Variants in PLCL1 observed in about 807,000 individuals in gnomAD.
The protein encoded by PLCL1 is phospholipase C like 1 (inactive).
PLCL1 carries 41 observed loss-of-function variants against 84.4 expected under a neutral mutation model. That is an observed-to-expected ratio of 0.49 (90% CI 0.38 to 0.63). The LOEUF is 0.63. Among genes scored for constraint, PLCL1 ranks in the 30% least tolerant of loss-of-function variants. The pLI is 0.00. For synonymous variants in PLCL1, 490 were observed against 488.3 expected (o/e 1.00, Z -0.05); for missense variants, 1,206 against 1,367.8 (o/e 0.88, Z 1.87).
intron 1 of PLCL1, among the ~76,000 whole-genome samples, chr2:197,995,474 C>T (rs1690438563): frequency 6.6e-6 from 1 of 152,118 alleles, no homozygotes; most frequent in African/African-American, 2.4e-5. Flanking sequence ...ATATACATGT[C>T]AGACAGGAGA....
rs527879067 is a variant in PLCL1, at chr2:197,805,689, T to G, written c.240+350T>G. On this transcript the variant is annotated intron_variant, in intron 1 of 5. Coordinates refer to ENST00000428675, the MANE Select transcript of PLCL1 (RefSeq NM_006226.4). This position sits in a 1 kb window ranked among gnomAD's most constrained non-coding sequence, Gnocchi z 4.0. ...GCAGACCCACCGGATGGTTGTGCAT[T>G]GCTTTCCAATGAAGGGTTAGCTTTT... is the stretch of plus-strand genomic sequence containing the variant. 2.0e-5 allele frequency among the ~76,000 whole-genome samples: 3 copies of G among 152,276 alleles called. No homozygotes were observed. In the South Asian group the frequency reaches 6.2e-4, roughly 32 times the overall value.
chr2:198,047,728 T>C (rs1397201638), intron 1 of PLCL1, among the ~76,000 whole-genome samples: 1 of 152,238 alleles, frequency 6.6e-6, no homozygotes, highest in Admixed American at 6.5e-5. Context: ...TGTGAACTTA[T>C]ATGTGAACAT....
intron 1 of PLCL1, among the ~76,000 whole-genome samples, chr2:197,930,058 T>G (rs1417063324): frequency 6.6e-6 from 1 of 152,126 alleles, no homozygotes; most frequent in African/African-American, 2.4e-5. Context: ...TCTGTGCAAA[T>G]GCCTACTAAT....
chr2:198,022,297 C>T (rs1199767211), intron 1 of PLCL1, among the ~76,000 whole-genome samples: 3 of 152,078 alleles, frequency 2.0e-5, no homozygotes, highest in East Asian at 1.9e-4. Flanking sequence ...CAATATCATA[C>T]TGAATGGGCA....
At chr2:197,904,862 T>C (rs1222234704) in intron 1 of PLCL1, among the ~76,000 whole-genome samples, 2 of 152,198 alleles carry the variant, frequency 1.3e-5, no homozygotes, top group Non-Finnish European at 2.9e-5. Context: ...TAATATTTAG[T>C]CAATTATCAA....
chr2:197,922,574 T>C (rs1688725151), intron 1 of PLCL1, among the ~76,000 whole-genome samples: 1 of 131,790 alleles, frequency 7.6e-6, no homozygotes. Flanking sequence ...GCTCCTTACT[T>C]CCCAGTAGGG....
At chr2:197,948,686 A>G (rs10189897) in intron 1 of PLCL1, among the ~76,000 whole-genome samples, 73,470 of 151,960 alleles carry the variant, frequency 0.48, 18,174 homozygotes, top group Middle Eastern at 0.58. Flanking sequence ...ACTTTTATAT[A>G]TCAATCCCAT....
chr2:198,021,907 C>A (rs748784878), intron 1 of PLCL1, among the ~76,000 whole-genome samples: 1 of 152,148 alleles, frequency 6.6e-6, no homozygotes. Flanking sequence ...AGGCCAGCAT[C>A]GTCCTGATAT....
At chr2:198,006,610 C>T (rs186728241) in intron 1 of PLCL1, among the ~76,000 whole-genome samples, 47 of 152,074 alleles carry the variant, frequency 3.1e-4, no homozygotes, top group Admixed American at 5.2e-4. Context: ...TAAATTTTCC[C>T]AATAGTCTGG....
At chr2:197,816,736 T>C (rs550620660) in intron 1 of PLCL1, among the ~76,000 whole-genome samples, 1 of 152,290 alleles carries the variant, frequency 6.6e-6, no homozygotes, top group Admixed American at 6.5e-5. Context: ...TTGTAACTTT[T>C]GTTTAGTGGT....
chr2:197,935,371 G>A (rs1012323793), intron 1 of PLCL1, among the ~76,000 whole-genome samples: 9 of 152,154 alleles, frequency 5.9e-5, no homozygotes, highest in Non-Finnish European at 1.2e-4. Flanking sequence ...ATGCCCATCA[G>A]TGGTAGACTG....
intron 4 of PLCL1, 26 bp downstream of exon 4, chr2:198,101,386 G>GTTT (rs376737048): frequency 1.0e-5 from 11 of 1,104,950 alleles, no homozygotes; most frequent in Middle Eastern, 2.1e-4. Flanking sequence ...TTTTTTTTCT[G>GTTT]TTTTTTTTTT....
At chr2:198,091,748 AAT>A (rs1693047892) in intron 3 of PLCL1, among the ~76,000 whole-genome samples, 1 of 102,364 alleles carries the variant, frequency 9.8e-6, no homozygotes, top group Non-Finnish European at 1.9e-5. Flanking sequence ...AATAAAATAA[AAT>A]AAAATAAAAT....
chr2:198,000,207 A>G (rs140799750), intron 1 of PLCL1, among the ~76,000 whole-genome samples: 1 of 152,172 alleles, frequency 6.6e-6, no homozygotes, highest in African/African-American at 2.4e-5. Context: ...GTACATCTTA[A>G]TTGCGATACT....
intron 1 of PLCL1, among the ~76,000 whole-genome samples, chr2:197,807,354 A>G (rs1259311849): frequency 2.6e-5 from 1 of 38,506 alleles, no homozygotes; most frequent in African/African-American, 2.1e-4. Context: ...CTACAAAAAA[A>G]TCTGGCTAGA....
intron 1 of PLCL1, among the ~76,000 whole-genome samples, chr2:197,951,244 T>C (rs1689384528): frequency 6.6e-6 from 1 of 152,192 alleles, no homozygotes; most frequent in African/African-American, 2.4e-5. Context: ...AATGGTCTGC[T>C]ATTGTCTGTG....
chr2:198,106,817 A>G (rs569850757), intron 5 of PLCL1, among the ~76,000 whole-genome samples: 1 of 152,002 alleles, frequency 6.6e-6, no homozygotes, highest in East Asian at 1.9e-4. Flanking sequence ...TGACTCTGAT[A>G]GGACTCTCTC....
chr2:197,935,673 A>C (rs1689037550), intron 1 of PLCL1, among the ~76,000 whole-genome samples: 1 of 152,110 alleles, frequency 6.6e-6, no homozygotes, highest in Non-Finnish European at 1.5e-5. Flanking sequence ...CATGCTTATT[A>C]CCGGGGTGAC....
chr2:198,064,705 T>A (rs142625417), intron 1 of PLCL1, among the ~76,000 whole-genome samples: 1 of 152,306 alleles, frequency 6.6e-6, no homozygotes, highest in African/African-American at 2.4e-5. Flanking sequence ...AGAGTACTAT[T>A]TTAGTTTTGT....
Sources: gnomAD v4.1 joint callset for allele counts (sites outside exome capture counted in the v4.1 genomes callset) on GRCh38, gnomAD v4.1.1 for gene constraint, Gnocchi (gnomAD v3.1) non-coding constraint, MANE v1.5 for transcripts, NCBI Gene and HGNC (gene_info 2026-07-23, HGNC 2026-07-21) for gene names.